TMEM217B: variants seen among roughly 807,000 people sequenced by gnomAD.
TMEM217B encodes transmembrane protein 217B, also known as putative transmembrane protein 217B.
At chr6:37,218,520 T>A in the TMEM217B span, 6 of 1,614,170 alleles carry the variant, frequency 3.7e-6, no homozygotes, top group South Asian at 6.6e-5. Context: ...ATCTCCGCTG[T>A]AGAAATTCGT....
the TMEM217B span, among the ~76,000 whole-genome samples, chr6:37,239,543 G>A: frequency 8.5e-5 from 13 of 152,068 alleles, no homozygotes; most frequent in Middle Eastern, 3.2e-3. Flanking sequence ...AAGCATTGAA[G>A]CATAGTGTAA....
the TMEM217B span, among the ~76,000 whole-genome samples, chr6:37,243,265 TA>T: frequency 6.6e-6 from 1 of 152,362 alleles, no homozygotes. Context: ...CGTTTAGTTA[TA>T]AATTCGGTTG....
the TMEM217B span, chr6:37,257,558 C>A: frequency 3.1e-6 from 1 of 325,558 alleles, no homozygotes; most frequent in South Asian, 3.9e-5. Context: ...CCATAGGTCC[C>A]TTACCTTACC....
the TMEM217B span, among the ~76,000 whole-genome samples, chr6:37,231,449 C>T: frequency 2.0e-5 from 3 of 150,084 alleles, no homozygotes; most frequent in Non-Finnish European, 4.4e-5. Context: ...CCGAGGCAGG[C>T]GGATCATGAG....
the TMEM217B span, chr6:37,218,289 C>T: frequency 8.3e-7 from 1 of 1,205,862 alleles, no homozygotes; most frequent in Non-Finnish European, 1.1e-6. Context: ...CAGTCTCAGC[C>T]TCTCAAGTGG....
At chr6:37,251,662 T>C in the TMEM217B span, among the ~76,000 whole-genome samples, 4 of 152,188 alleles carry the variant, frequency 2.6e-5, no homozygotes, top group Non-Finnish European at 5.9e-5. Flanking sequence ...AAAACATGCA[T>C]GGGAATGCTG....
chr6:37,256,398 C>G, the TMEM217B span, among the ~76,000 whole-genome samples: 1 of 152,186 alleles, frequency 6.6e-6, no homozygotes, highest in East Asian at 1.9e-4. Context: ...CCTCTTTGGG[C>G]TTAGTGTGCA....
the TMEM217B span, among the ~76,000 whole-genome samples, chr6:37,220,586 A>AT: frequency 1.3e-5 from 2 of 151,282 alleles, no homozygotes; most frequent in Admixed American, 6.6e-5. Flanking sequence ...TACATGAAGT[A>AT]TTTTTTTTAA....
the TMEM217B span, among the ~76,000 whole-genome samples, chr6:37,252,185 G>A: frequency 2.6e-5 from 4 of 152,162 alleles, no homozygotes; most frequent in Non-Finnish European, 4.4e-5. Flanking sequence ...GAGCCACTGC[G>A]CCTGGCCTGG....
the TMEM217B span, chr6:37,215,369 G>A: frequency 4.8e-6 from 7 of 1,459,448 alleles, no homozygotes; most frequent in Non-Finnish European, 4.6e-6. Flanking sequence ...GAGGTCAGGA[G>A]TTCAAGACCA....
At chr6:37,217,004 GTTA>G in the TMEM217B span, among the ~76,000 whole-genome samples, 1 of 152,128 alleles carries the variant, frequency 6.6e-6, no homozygotes, top group Non-Finnish European at 1.5e-5. Context: ...AAATTACTCA[GTTA>G]TTATAGCAGC....
the TMEM217B span, among the ~76,000 whole-genome samples, chr6:37,248,462 C>G: frequency 1.3e-5 from 2 of 152,182 alleles, no homozygotes; most frequent in Non-Finnish European, 2.9e-5. Context: ...TTCACTCACC[C>G]AATACCTTGC....
At chr6:37,255,425 T>G in the TMEM217B span, among the ~76,000 whole-genome samples, 5,925 of 152,232 alleles carry the variant, frequency 0.039, 191 homozygotes, top group African/African-American at 0.097. Flanking sequence ...CTCCCACCTG[T>G]AATACTAGCT....
At chr6:37,245,667 C>T in the TMEM217B span, among the ~76,000 whole-genome samples, 1 of 152,008 alleles carries the variant, frequency 6.6e-6, no homozygotes, top group Non-Finnish European at 1.5e-5. Flanking sequence ...CAACACAGAA[C>T]AACAGTGACA....
chr6:37,251,431 A>G, the TMEM217B span, among the ~76,000 whole-genome samples: 1 of 145,074 alleles, frequency 6.9e-6, no homozygotes, highest in Non-Finnish European at 1.5e-5. Flanking sequence ...TGAATGAGCA[A>G]TGCTCAAAAT....
chr6:37,240,638 T>C, the TMEM217B span, among the ~76,000 whole-genome samples: 1 of 152,158 alleles, frequency 6.6e-6, no homozygotes, highest in Non-Finnish European at 1.5e-5. Context: ...AGGGTGTAAA[T>C]ACCAGGAGGC....
the TMEM217B span, among the ~76,000 whole-genome samples, chr6:37,240,291 T>C: frequency 6.6e-6 from 1 of 152,230 alleles, no homozygotes; most frequent in Non-Finnish European, 1.5e-5. Context: ...GTCAAGCTGT[T>C]GGCCTGGGCT....
At chr6:37,257,244 G>A in the TMEM217B span, among the ~76,000 whole-genome samples, 3 of 152,146 alleles carry the variant, frequency 2.0e-5, no homozygotes, top group African/African-American at 7.2e-5. Flanking sequence ...ATAAACAGAG[G>A]GAGAGGGAGA....
chr6:37,224,548 A>G, the TMEM217B span, among the ~76,000 whole-genome samples: 2 of 151,926 alleles, frequency 1.3e-5, no homozygotes, highest in African/African-American at 4.8e-5. Context: ...CAGTGAGCCA[A>G]GATCACACCA....
Sources: gnomAD v4.1 joint callset for allele counts (sites outside exome capture counted in the v4.1 genomes callset) on GRCh38, gnomAD v4.1.1 for gene constraint, MANE v1.5 for transcripts, NCBI Gene and HGNC (gene_info 2026-07-23, HGNC 2026-07-21) for gene names.